ZNF385B: variants seen among roughly 807,000 people sequenced by gnomAD.
ZNF385B encodes zinc finger protein 533.
A neutral mutation model predicts 39.2 loss-of-function variants in ZNF385B; 23 were observed. That is an observed-to-expected ratio of 0.59 (90% confidence interval 0.42 to 0.83). The LOEUF is 0.83. Among genes scored for constraint, ZNF385B ranks in the 40% least tolerant of loss-of-function variants. The pLI is 0.00. For synonymous variants in ZNF385B, 205 were observed against 222.6 expected, an observed-to-expected ratio of 0.92 and a Z score of 0.70; for missense variants, 552 against 598.9, an observed-to-expected ratio of 0.92 and a Z score of 0.82.
At chr2:179,695,321 GA>G (rs1259186701) in intron 3 of ZNF385B, among the ~76,000 whole-genome samples, 3 of 151,642 alleles carry the variant, frequency 2.0e-5, no homozygotes, top group Non-Finnish European at 2.9e-5. Flanking sequence ...AGCAACAAAA[GA>G]AAAAAATAGA....
At chr2:179,585,436 C>T (rs16866810) in intron 3 of ZNF385B, among the ~76,000 whole-genome samples, 22,944 of 152,094 alleles carry the variant, frequency 0.15, 2,005 homozygotes, top group East Asian at 0.24. Context: ...TACTTGCCTA[C>T]GGTATGTCTT....
At chr2:179,727,501 C>CT (rs1455184061) in intron 3 of ZNF385B, among the ~76,000 whole-genome samples, 2 of 151,886 alleles carry the variant, frequency 1.3e-5, no homozygotes, top group African/African-American at 4.8e-5. Context: ...CTACATCTGC[C>CT]CTTTTAAGGA....
chr2:179,709,146 C>T (rs890519521), intron 3 of ZNF385B, among the ~76,000 whole-genome samples: 1 of 152,216 alleles, frequency 6.6e-6, no homozygotes, highest in Non-Finnish European at 1.5e-5. Context: ...GGAATATTTA[C>T]ATAGTCCCTA....
At chr2:179,677,795 C>T (rs1011081552) in intron 3 of ZNF385B, among the ~76,000 whole-genome samples, 2 of 152,044 alleles carry the variant, frequency 1.3e-5, no homozygotes, top group African/African-American at 2.4e-5. Flanking sequence ...ATTTTTTCCC[C>T]GTCCACTTCA....
chr2:179,665,088 C>T (rs62177573), intron 3 of ZNF385B, among the ~76,000 whole-genome samples: 1 of 152,096 alleles, frequency 6.6e-6, no homozygotes, highest in Non-Finnish European at 1.5e-5. Context: ...TCTTCTGGGC[C>T]GTACTGATCC....
At chr2:179,740,702 C>G (rs181050831) in intron 3 of ZNF385B, among the ~76,000 whole-genome samples, 2 of 152,146 alleles carry the variant, frequency 1.3e-5, no homozygotes, top group Admixed American at 1.3e-4. Flanking sequence ...CGGGAGTAGA[C>G]TATTTAAGGT....
At chr2:179,492,969 A>G (rs1350949201) in intron 5 of ZNF385B, among the ~76,000 whole-genome samples, 1 of 152,098 alleles carries the variant, frequency 6.6e-6, no homozygotes, top group African/African-American at 2.4e-5. Context: ...TTCCACATAT[A>G]AGAGATTGGT....
At chr2:179,829,434 T>A (rs1707853273) in intron 1 of ZNF385B, among the ~76,000 whole-genome samples, 1 of 152,190 alleles carries the variant, frequency 6.6e-6, no homozygotes, top group Admixed American at 6.5e-5. Context: ...ATCATAGAAG[T>A]AAATGTAAAT....
chr2:179,826,877 G>T (rs1575561783), intron 1 of ZNF385B, among the ~76,000 whole-genome samples: 1 of 152,082 alleles, frequency 6.6e-6, no homozygotes, highest in Admixed American at 6.6e-5. Flanking sequence ...GTTGACTTTG[G>T]TGTCTGTATC....
chr2:179,714,615 A>G (rs879046193), intron 3 of ZNF385B, among the ~76,000 whole-genome samples: 3 of 152,180 alleles, frequency 2.0e-5, no homozygotes, highest in African/African-American at 7.2e-5. Context: ...GACAACATCT[A>G]TGATCCTTCC....
chr2:179,774,502 AG>A (rs1447144219), intron 1 of ZNF385B, among the ~76,000 whole-genome samples: 1 of 152,088 alleles, frequency 6.6e-6, no homozygotes, highest in Non-Finnish European at 1.5e-5. Context: ...CTGGGACTAC[AG>A]GGGCACACCA....
intron 1 of ZNF385B, among the ~76,000 whole-genome samples, chr2:179,810,306 T>G (rs1316767104): frequency 6.6e-6 from 1 of 151,896 alleles, no homozygotes; most frequent in African/African-American, 2.4e-5. Flanking sequence ...AAATACATTT[T>G]TATAATTATA....
At chr2:179,473,521 C>T (rs1241691135) in intron 6 of ZNF385B, among the ~76,000 whole-genome samples, 1 of 152,084 alleles carries the variant, frequency 6.6e-6, no homozygotes, top group East Asian at 1.9e-4. Context: ...ATTAGCACTC[C>T]CATTTCTGAA....
chr2:179,814,797 T>C (rs74624887), intron 1 of ZNF385B: 193 of 167,104 alleles, frequency 1.2e-3, no homozygotes, highest in African/African-American at 4.4e-3. Context: ...TGAGATACAA[T>C]TTACTACATG....
intron 3 of ZNF385B, among the ~76,000 whole-genome samples, chr2:179,663,109 T>C (rs1575131578): frequency 6.6e-6 from 1 of 152,206 alleles, no homozygotes; most frequent in African/African-American, 2.4e-5. Flanking sequence ...ACTTCTGTAA[T>C]ATTGACGGTG....
intron 3 of ZNF385B, among the ~76,000 whole-genome samples, chr2:179,720,516 G>A (rs1700620833): frequency 7.4e-6 from 1 of 134,748 alleles, no homozygotes; most frequent in African/African-American, 2.8e-5. Flanking sequence ...AAGAAAGGGA[G>A]GAGGAGAGGA....
intron 5 of ZNF385B, among the ~76,000 whole-genome samples, chr2:179,496,714 T>C (rs1046400213): frequency 2.6e-5 from 4 of 151,918 alleles, no homozygotes; most frequent in African/African-American, 7.3e-5. Flanking sequence ...GAAAAAAATC[T>C]TTTATCCTAG....
intron 3 of ZNF385B, among the ~76,000 whole-genome samples, chr2:179,568,933 TC>T (rs1684899897): frequency 1.3e-5 from 2 of 152,226 alleles, no homozygotes; most frequent in South Asian, 4.1e-4. Context: ...TTTTAAACCA[TC>T]TAACACCTAG....
At chr2:179,781,916 G>C (rs1022786183) in intron 1 of ZNF385B, among the ~76,000 whole-genome samples, 1 of 152,080 alleles carries the variant, frequency 6.6e-6, no homozygotes, top group Non-Finnish European at 1.5e-5. Context: ...AGAAGAGCTG[G>C]TACAATTCCT....
Sources: gnomAD v4.1 joint callset for allele counts (sites outside exome capture counted in the v4.1 genomes callset) on GRCh38, gnomAD v4.1.1 for gene constraint, MANE v1.5 for transcripts, NCBI Gene and HGNC (gene_info 2026-07-23, HGNC 2026-07-21) for gene names.